The following LARGE1 variants were observed in gnomAD, a reference collection of about 807,000 sequenced individuals.
LARGE1 encodes the protein LARGE xylosyl- and glucuronyltransferase 1, also known as xylosyl- and glucuronyltransferase LARGE1.
In LARGE1, 43 loss-of-function variants were observed where a neutral mutation model predicts 87.6. That is an observed-to-expected ratio of 0.49 (90% CI 0.38 to 0.63). The LOEUF (loss-of-function observed/expected upper bound fraction) is 0.63, where lower values mean the gene tolerates loss of function less well. Among genes scored for constraint, LARGE1 ranks in the 30% least tolerant of loss-of-function variants. The pLI, the probability that LARGE1 is intolerant of heterozygous loss-of-function variation, is 0.00. For missense variants in LARGE1, 802 were observed against 1,000.2 expected, an observed-to-expected ratio of 0.80 and a Z score of 2.67; for synonymous variants, 434 against 394.6, an observed-to-expected ratio of 1.10 and a Z score of -1.18.
chr22:33,132,233 G>T, the LARGE1 span, among the ~76,000 whole-genome samples: 1 of 151,992 alleles, frequency 6.6e-6, no homozygotes, highest in Non-Finnish European at 1.5e-5. Flanking sequence ...ACCCAGGCTG[G>T]ATTGCAGTGG....
the LARGE1 span, among the ~76,000 whole-genome samples, chr22:33,107,898 A>G: frequency 6.6e-6 from 1 of 151,548 alleles, no homozygotes. Flanking sequence ...TAATTTTATG[A>G]TTTTCTCATT....
At chr22:33,726,894 AT>A (rs67575094) in intron 2 of LARGE1, among the ~76,000 whole-genome samples, 15,794 of 152,216 alleles carry the variant, frequency 0.1, 935 homozygotes, top group South Asian at 0.26. Context: ...TGCTCAATAA[AT>A]CCTGATGATC....
chr22:33,502,586 T>G (rs1231316464), intron 6 of LARGE1, among the ~76,000 whole-genome samples: 1 of 151,792 alleles, frequency 6.6e-6, no homozygotes, highest in Non-Finnish European at 1.5e-5. Flanking sequence ...GCTTTTTTTT[T>G]GAGACAGAGT....
At chr22:33,256,256 T>C (rs986598427) in intron 11 of LARGE1, among the ~76,000 whole-genome samples, 2 of 152,256 alleles carry the variant, frequency 1.3e-5, no homozygotes, top group East Asian at 1.9e-4. Flanking sequence ...GAGTACCATC[T>C]ATGGGGAATG....
intron 12 of LARGE1, among the ~76,000 whole-genome samples, chr22:33,297,497 C>A (rs1933459824): frequency 6.6e-6 from 1 of 151,338 alleles, no homozygotes; most frequent in Non-Finnish European, 1.5e-5. Flanking sequence ...CCTATAATCC[C>A]AGCTACTTGG....
chr22:33,856,432 A>G (rs1319006321), intron 1 of LARGE1, among the ~76,000 whole-genome samples: 1 of 152,210 alleles, frequency 6.6e-6, no homozygotes, highest in African/African-American at 2.4e-5. Context: ...TAGAAGTGAT[A>G]AATAGATCTA....
chr22:33,088,905 C>G, the LARGE1 span, among the ~76,000 whole-genome samples: 1 of 152,130 alleles, frequency 6.6e-6, no homozygotes. Context: ...GTGAGATAAT[C>G]CTTTGAAAGT....
chr22:33,238,402 T>C (rs893832889), intron 11 of LARGE1, among the ~76,000 whole-genome samples: 1 of 152,132 alleles, frequency 6.6e-6, no homozygotes, highest in Non-Finnish European at 1.5e-5. Flanking sequence ...ATATCTATAA[T>C]CATAGGGCGT....
intron 6 of LARGE1, among the ~76,000 whole-genome samples, chr22:33,464,773 A>G (rs1368234783): frequency 6.6e-6 from 1 of 152,118 alleles, no homozygotes; most frequent in Non-Finnish European, 1.5e-5. Flanking sequence ...AACTGGAATA[A>G]CCATTTTGGA....
At chr22:33,299,722 G>A (rs563675112) in intron 12 of LARGE1, among the ~76,000 whole-genome samples, 1 of 152,334 alleles carries the variant, frequency 6.6e-6, no homozygotes, top group East Asian at 1.9e-4. Flanking sequence ...ATGAGGAGAT[G>A]AAGCAAGCAG....
chr22:33,746,352 A>G (rs766231242), intron 2 of LARGE1: 6 of 152,236 alleles, frequency 3.9e-5, no homozygotes, highest in Non-Finnish European at 7.3e-5. Flanking sequence ...CTCCATAAAT[A>G]GTAACTAATA....
chr22:33,917,001 C>G (rs908399803), intron 1 of LARGE1, among the ~76,000 whole-genome samples: 3 of 152,182 alleles, frequency 2.0e-5, no homozygotes, highest in Non-Finnish European at 4.4e-5. Context: ...ACAACAATAG[C>G]TCCCCTTCAA....
chr22:33,886,198 AC>A (rs1388825328), intron 1 of LARGE1, among the ~76,000 whole-genome samples: 1 of 151,978 alleles, frequency 6.6e-6, no homozygotes, highest in African/African-American at 2.4e-5. Context: ...CTCAGTAAGG[AC>A]CCAGTAAATT....
chr22:33,837,237 G>A (rs1211546916), intron 1 of LARGE1, among the ~76,000 whole-genome samples: 1 of 140,154 alleles, frequency 7.1e-6, no homozygotes, highest in African/African-American at 2.7e-5. Flanking sequence ...ATATATATAT[G>A]GAGTAGAGAG....
chr22:33,670,237 C>T (rs2081370326), intron 2 of LARGE1, among the ~76,000 whole-genome samples: 1 of 151,822 alleles, frequency 6.6e-6, no homozygotes, highest in Non-Finnish European at 1.5e-5. Context: ...CTATCAATCA[C>T]TATAAAGCCT....
At chr22:33,267,083 C>T (rs1481807864) in intron 11 of LARGE1, among the ~76,000 whole-genome samples, 1 of 151,422 alleles carries the variant, frequency 6.6e-6, no homozygotes, top group Non-Finnish European at 1.5e-5. Context: ...CTAGTAAAAA[C>T]ACAAAAATTA....
chr22:33,527,948 A>T (rs768000430), intron 6 of LARGE1, among the ~76,000 whole-genome samples: 1 of 152,116 alleles, frequency 6.6e-6, no homozygotes, highest in Non-Finnish European at 1.5e-5. Context: ...AACAGATCTT[A>T]ATCTTTCAGG....
intron 1 of LARGE1, among the ~76,000 whole-genome samples, chr22:33,919,628 A>T (rs2065885814): frequency 6.6e-6 from 1 of 152,236 alleles, no homozygotes; most frequent in Non-Finnish European, 1.5e-5. Context: ...ACCGCCCAAC[A>T]GGGCCCTCTC....
intron 1 of LARGE1, among the ~76,000 whole-genome samples, chr22:33,895,251 C>T (rs2065108276): frequency 6.6e-6 from 1 of 152,206 alleles, no homozygotes; most frequent in Non-Finnish European, 1.5e-5. Context: ...AGCAGGCCAT[C>T]TGCCCACTCA....
Sources: gnomAD v4.1 joint callset for allele counts (sites outside exome capture counted in the v4.1 genomes callset) on GRCh38, gnomAD v4.1.1 for gene constraint, MANE v1.5 for transcripts, NCBI Gene and HGNC (gene_info 2026-07-23, HGNC 2026-07-21) for gene names.